Variants in TYW1 observed in about 807,000 individuals in gnomAD.
TYW1 encodes the protein S-adenosyl-L-methionine-dependent tRNA 4-demethylwyosine synthase TYW1.
In TYW1, 46 loss-of-function variants were observed where a neutral mutation model predicts 96.2. That is an observed-to-expected ratio of 0.48 (90% CI 0.38 to 0.61). The LOEUF (loss-of-function observed/expected upper bound fraction) is 0.61. Ranked by LOEUF, TYW1 falls within the 20% of genes least tolerant of loss-of-function variation. TYW1 has a pLI of 0.00. For synonymous variants in TYW1, 274 were observed against 323.0 expected (o/e 0.85, Z 1.63); for missense variants, 684 against 909.6 (o/e 0.75, Z 3.19).
chr7:67,164,051 T>C (rs1799250108), intron 13 of TYW1, among the ~76,000 whole-genome samples: 1 of 152,174 alleles, frequency 6.6e-6, no homozygotes. Context: ...ACCAATCTCA[T>C]CTTAAGTATC....
At chr7:67,148,513 C>T (rs1798681790) in intron 13 of TYW1, among the ~76,000 whole-genome samples, 1 of 150,198 alleles carries the variant, frequency 6.7e-6, no homozygotes, top group Non-Finnish European at 1.5e-5. Context: ...GCAAGCTCCG[C>T]CCCCCGGGTT....
intron 15 of TYW1, among the ~76,000 whole-genome samples, chr7:67,222,035 A>G (rs1342014468): frequency 1.3e-5 from 2 of 152,010 alleles, no homozygotes; most frequent in African/African-American, 4.8e-5. Context: ...CATCTCTACT[A>G]AAAATACAAA....
chr7:67,077,504 A>G (rs952399435), intron 10 of TYW1, among the ~76,000 whole-genome samples: 18 of 152,234 alleles, frequency 1.2e-4, no homozygotes, highest in Non-Finnish European at 2.2e-4. Context: ...TTGAGCATTT[A>G]AAAATGTGTC....
chr7:67,089,388 G>C, intron 11 of TYW1: 1 of 1,232,786 alleles, frequency 8.1e-7, no homozygotes. Context: ...AGGGCATCTG[G>C]TGGGGAGGCC....
intron 13 of TYW1, among the ~76,000 whole-genome samples, chr7:67,136,545 A>G (rs563996643): frequency 2.2e-4 from 34 of 152,220 alleles, no homozygotes; most frequent in African/African-American, 7.7e-4. Context: ...TGTGACATTT[A>G]AACTGTTAGC....
chr7:67,235,532 A>G (rs1801855678), intron 15 of TYW1, among the ~76,000 whole-genome samples: 1 of 152,100 alleles, frequency 6.6e-6, no homozygotes, highest in African/African-American at 2.4e-5. Flanking sequence ...AAATCCCATC[A>G]TGTCTCAAGA....
intron 7 of TYW1, among the ~76,000 whole-genome samples, chr7:67,046,338 C>T (rs1795186710): frequency 6.6e-6 from 1 of 152,084 alleles, no homozygotes; most frequent in Non-Finnish European, 1.5e-5. Context: ...ACACTGGGTT[C>T]ATCTGTGCTC....
chr7:67,215,347 C>T (rs1277736661), intron 15 of TYW1, among the ~76,000 whole-genome samples: 1 of 152,170 alleles, frequency 6.6e-6, no homozygotes, highest in Non-Finnish European at 1.5e-5. Context: ...TAACTCTTAA[C>T]AGCCCCTTCC....
chr7:67,006,587 T>C (rs1157091662), intron 3 of TYW1, among the ~76,000 whole-genome samples: 4 of 151,788 alleles, frequency 2.6e-5, no homozygotes, highest in African/African-American at 7.3e-5. Context: ...CACAGGTATA[T>C]GCCACCATGC....
At chr7:67,089,136 G>A in intron 11 of TYW1, 1 of 435,300 alleles carries the variant, frequency 2.3e-6, no homozygotes. Context: ...GGGGACCAGG[G>A]GAAGGGGGAG....
chr7:67,010,016 T>A (rs1324569428), intron 4 of TYW1, among the ~76,000 whole-genome samples: 1 of 150,938 alleles, frequency 6.6e-6, no homozygotes, highest in Non-Finnish European at 1.5e-5. Context: ...GGAGTCTCAC[T>A]ATGTCACCCA....
At chr7:67,133,271 C>T (rs1266836612) in intron 13 of TYW1, among the ~76,000 whole-genome samples, 3 of 151,946 alleles carry the variant, frequency 2.0e-5, no homozygotes, top group Admixed American at 6.6e-5. Context: ...CCACGAAGCT[C>T]GGACTACAGC....
At chr7:67,012,969 A>G (rs1398832103) in intron 4 of TYW1, among the ~76,000 whole-genome samples, 1 of 151,992 alleles carries the variant, frequency 6.6e-6, no homozygotes, top group Non-Finnish European at 1.5e-5. Flanking sequence ...GATAACGGAT[A>G]CCTAGCCTGT....
chr7:67,044,114 T>TG (rs2129257993), intron 7 of TYW1, among the ~76,000 whole-genome samples: 1 of 139,846 alleles, frequency 7.2e-6, no homozygotes, highest in South Asian at 2.2e-4. Flanking sequence ...AATAAGAGTT[T>TG]TTTTTTTTTT....
intron 7 of TYW1, among the ~76,000 whole-genome samples, chr7:67,033,206 A>C (rs1041862279): frequency 6.6e-6 from 1 of 151,926 alleles, no homozygotes; most frequent in Non-Finnish European, 1.5e-5. Context: ...CAAGAAGTAT[A>C]CTGATGGCTG....
At chr7:67,138,928 C>G (rs1268273664) in intron 13 of TYW1, among the ~76,000 whole-genome samples, 2 of 151,252 alleles carry the variant, frequency 1.3e-5, no homozygotes, top group Admixed American at 6.6e-5. Flanking sequence ...ACTAGTGTTG[C>G]AATAAACATG....
intron 15 of TYW1, among the ~76,000 whole-genome samples, chr7:67,201,726 G>C (rs1800605589): frequency 6.6e-6 from 1 of 151,826 alleles, no homozygotes; most frequent in African/African-American, 2.4e-5. Flanking sequence ...AGATGGTCAA[G>C]CATCCAAAAT....
chr7:66,999,305 A>C (rs979136642), intron 3 of TYW1, among the ~76,000 whole-genome samples: 1 of 152,196 alleles, frequency 6.6e-6, no homozygotes, highest in African/African-American at 2.4e-5. Context: ...AAAGGATGGC[A>C]CTAATAGTTC....
At chr7:67,142,464 T>C (rs1388086855) in intron 13 of TYW1, among the ~76,000 whole-genome samples, 3 of 152,012 alleles carry the variant, frequency 2.0e-5, no homozygotes, top group Non-Finnish European at 4.4e-5. Context: ...AGCCTCGCTC[T>C]GTCACCCAGT....
Sources: gnomAD v4.1 joint callset for allele counts (sites outside exome capture counted in the v4.1 genomes callset) on GRCh38, gnomAD v4.1.1 for gene constraint, MANE v1.5 for transcripts, NCBI Gene and HGNC (gene_info 2026-07-23, HGNC 2026-07-21) for gene names.